Variants in ZDHHC20 observed in about 807,000 individuals in gnomAD.
ZDHHC20 encodes palmitoyltransferase ZDHHC20.
ZDHHC20 carries 43 observed loss-of-function variants against 57.8 expected under a neutral mutation model. The observed-to-expected ratio is 0.74, with a 90% confidence interval of 0.58 to 0.96. The LOEUF is 0.96. Among genes scored for constraint, ZDHHC20 ranks in the 40% least tolerant of loss-of-function variants. The pLI is 0.00. For synonymous variants in ZDHHC20, 157 were observed against 153.0 expected (o/e 1.03, Z -0.19); for missense variants, 391 against 441.1 (o/e 0.89, Z 1.02).
At chr13:21,448,190 TGG>T (rs1221798916) in intron 1 of ZDHHC20, among the ~76,000 whole-genome samples, 3 of 62,404 alleles carry the variant, frequency 4.8e-5, no homozygotes, top group Non-Finnish European at 7.3e-5. Flanking sequence ...GGGAGGGAGG[TGG>T]GGGGGGTCAG....
intron 1 of ZDHHC20, among the ~76,000 whole-genome samples, chr13:21,446,551 A>C (rs1238615969): frequency 6.6e-6 from 1 of 152,234 alleles, no homozygotes; most frequent in Non-Finnish European, 1.5e-5. Flanking sequence ...GAAAGCCAAA[A>C]TAGAGATGTT....
At chr13:21,396,618 A>C (rs1037232948) in intron 7 of ZDHHC20, among the ~76,000 whole-genome samples, 1 of 152,326 alleles carries the variant, frequency 6.6e-6, no homozygotes, top group East Asian at 1.9e-4. Context: ...GGATCACCTA[A>C]GGTCAGGAGT....
chr13:21,408,228 G>C (rs527307542), intron 4 of ZDHHC20, among the ~76,000 whole-genome samples: 1 of 152,228 alleles, frequency 6.6e-6, no homozygotes, highest in South Asian at 2.1e-4. Context: ...CCATTTTCAC[G>C]ATATTGATTC....
intron 1 of ZDHHC20, 91 bp downstream of exon 1, chr13:21,458,963 C>G: frequency 1.0e-6 from 1 of 981,780 alleles, no homozygotes; most frequent in East Asian, 3.3e-5. Context: ...GGCGCTGGCT[C>G]CAGAAAGGCG....
intron 1 of ZDHHC20, among the ~76,000 whole-genome samples, chr13:21,453,827 T>A (rs1049507278): frequency 6.6e-6 from 1 of 152,094 alleles, no homozygotes; most frequent in Non-Finnish European, 1.5e-5. Context: ...CAAAACTGTC[T>A]TAAAACAAAA....
At position 21,375,100 on chromosome 13, in the gene ZDHHC20, C is replaced by T; in HGVS notation, c.*1596G>A. The T allele has an allele frequency of 2.2e-6, 1 of 455,692 alleles. No individual in the cohort carries two copies. The highest frequency in any genetic ancestry group is 4.4e-6 in the Non-Finnish European group (1 of 226,710). The allele number at this position is 455,692 out of a possible 1,614,324, so 28.2% of individuals were successfully genotyped here. A position where few individuals can be genotyped will look rare whatever the true frequency, so the allele number is the denominator to read the frequency against. On this transcript the variant is annotated 3_prime_UTR_variant, in exon 13 of 13. Coordinates refer to ENST00000400590, the MANE Select transcript of ZDHHC20 (RefSeq NM_001330059.2). The stretch of plus-strand genomic sequence containing the variant: ...AGCGAGCCAAGATCCCGCCACTGCA[C>T]TCCTGCCTGGGAGACAGAGCAAAAC...
intron 11 of ZDHHC20, among the ~76,000 whole-genome samples, chr13:21,381,123 C>T (rs1258092740): frequency 1.3e-5 from 2 of 151,978 alleles, no homozygotes; most frequent in Non-Finnish European, 2.9e-5. Flanking sequence ...TCTCTTGCCT[C>T]AGTCTCCTGA....
chr13:21,400,246 G>C, intron 7 of ZDHHC20, 127 bp downstream of exon 7: 1 of 879,442 alleles, frequency 1.1e-6, no homozygotes, highest in South Asian at 2.2e-5. Flanking sequence ...GTCCTCTGAT[G>C]GATTTATAAA....
chr13:21,420,563 A>G (rs1193255377), intron 3 of ZDHHC20, among the ~76,000 whole-genome samples: 4 of 152,188 alleles, frequency 2.6e-5, no homozygotes, highest in African/African-American at 9.7e-5. Context: ...CATAAAACCT[A>G]CTCCACATAA....
intron 9 of ZDHHC20, among the ~76,000 whole-genome samples, chr13:21,386,393 C>T (rs1294528417): frequency 6.6e-6 from 1 of 152,124 alleles, no homozygotes; most frequent in East Asian, 1.9e-4. Flanking sequence ...AACTAGAAAA[C>T]TAGATCAAGA....
chr13:21,395,923 CAT>C (rs1876714445), intron 7 of ZDHHC20, among the ~76,000 whole-genome samples: 1 of 152,152 alleles, frequency 6.6e-6, no homozygotes, highest in Non-Finnish European at 1.5e-5. Flanking sequence ...CCCAGGAGCA[CAT>C]CTTTCATACA....
chr13:21,450,341 GTC>G (rs1884327267), intron 1 of ZDHHC20, among the ~76,000 whole-genome samples: 1 of 152,182 alleles, frequency 6.6e-6, no homozygotes, highest in Non-Finnish European at 1.5e-5. Context: ...CTTCTGAACA[GTC>G]TGACTTGGTT....
chr13:21,405,150 A>T (rs1878270434), intron 4 of ZDHHC20, among the ~76,000 whole-genome samples: 1 of 152,062 alleles, frequency 6.6e-6, no homozygotes, highest in Non-Finnish European at 1.5e-5. Flanking sequence ...TTTTTTAAAT[A>T]ATGGACATGT....
intron 3 of ZDHHC20, among the ~76,000 whole-genome samples, chr13:21,417,667 G>A (rs1313684417): frequency 6.6e-6 from 1 of 152,122 alleles, no homozygotes; most frequent in Non-Finnish European, 1.5e-5. Flanking sequence ...TCGAACTCCT[G>A]ACCTCAGGTG....
intron 1 of ZDHHC20, among the ~76,000 whole-genome samples, chr13:21,434,777 CTTT>C (rs34429191): frequency 4.7e-5 from 7 of 150,474 alleles, no homozygotes; most frequent in South Asian, 4.2e-4. Flanking sequence ...CAGAGACATC[CTTT>C]TTTTTTTTTT....
chr13:21,418,708 CT>C (rs1205457160), intron 3 of ZDHHC20, among the ~76,000 whole-genome samples: 4 of 152,142 alleles, frequency 2.6e-5, no homozygotes, highest in Non-Finnish European at 5.9e-5. Flanking sequence ...GGGTCTCACT[CT>C]GCTGCCTGGG....
At chr13:21,451,827 T>C (rs1884466978) in intron 1 of ZDHHC20, among the ~76,000 whole-genome samples, 1 of 151,686 alleles carries the variant, frequency 6.6e-6, no homozygotes, top group South Asian at 2.1e-4. Flanking sequence ...CTGTCTCTAC[T>C]AAAAATACAA....
rs534455991 is a variant in ZDHHC20 at position 21,421,112 on chromosome 13, T to C, written c.198A>G (p.Val66=). The C allele has an allele frequency of 4.3e-6, 7 of 1,613,356 alleles. No individual in the cohort carries two copies. The East Asian group carries it at 1.3e-4, about 31-fold the overall frequency. ...VAFHLFFVMF[V]WSYWMTIFTS... The stretch of plus-strand genomic sequence containing the variant: ...TGAAAATTGTCATCCAATAGGACCA[T>C]ACAAACATAACAAAGAACAGATGGA... Residue 66 remains valine, a synonymous_variant, in exon 3 of 13, where the codon GTA becomes GTG. Transcript: ENST00000400590.
Position 21,403,117 on chromosome 13 carries a change from T to C in ZDHHC20, c.371-251A>G, listed in dbSNP as rs58124972. ...GAAAAGTAGATGCAAAGCAAATAAATGACTCATACAAGGTCAAACACCAGG... is the reference window on the plus strand; with the variant it reads ...GAAAAGTAGATGCAAAGCAAATAAACGACTCATACAAGGTCAAACACCAGG... On this transcript the variant is annotated intron_variant, in intron 4 of 12. Transcript: ENST00000400590. 6.6e-3 allele frequency among the ~76,000 whole-genome samples: 1,010 copies of C among 152,246 alleles called. 8 individuals carry two copies. The highest frequency in any genetic ancestry group is 0.023 in the African/African-American group (955 of 41,548).
Sources: allele counts gnomAD v4.1 joint callset (sites outside exome capture counted in the v4.1 genomes callset), GRCh38; gene constraint gnomAD v4.1.1; transcripts MANE v1.5; gene names NCBI Gene and HGNC (gene_info 2026-07-23, HGNC 2026-07-21).